Variants in SLC17A4 observed in about 807,000 individuals in gnomAD.
SLC17A4 encodes probable small intestine urate exporter.
SLC17A4 carries 33 observed loss-of-function variants against 52.5 expected under a neutral mutation model. The ratio of observed to expected loss-of-function variants is 0.63; its 90% confidence interval spans 0.48 to 0.84. SLC17A4 has a LOEUF of 0.84. Among genes scored for constraint, SLC17A4 ranks in the 40% least tolerant of loss-of-function variants. SLC17A4 has a pLI of 0.00. For synonymous variants in SLC17A4, 225 were observed against 216.2 expected (o/e 1.04, Z -0.36); for missense variants, 585 against 597.1 (o/e 0.98, Z 0.21).
chr6:25,758,959 C>A (rs573458588), intron 1 of SLC17A4, among the ~76,000 whole-genome samples: 22 of 151,926 alleles, frequency 1.4e-4, no homozygotes, highest in Non-Finnish European at 3.1e-4. Flanking sequence ...CTCTTAGCAC[C>A]GCTTTTGCTG....
In SLC17A4 at chr6:25,754,765, C is replaced by T. The variant is rs899963508; in HGVS notation, c.-53C>T. ...TTATTTGAAAGGAATGAGGATCCTG[C>T]ACTCTTCCTCCCTCAGGTTAGTTAG... On this transcript the variant is annotated 5_prime_UTR_variant, in exon 1 of 12. Coordinates refer to ENST00000377905, the MANE Select transcript of SLC17A4 (RefSeq NM_005495.3). 12 of 152,192 alleles carry T rather than the reference C, an allele frequency of 7.9e-5. No homozygotes were observed. Among genetic ancestry groups the T allele is most frequent in the African/African-American group, 2.9e-4 (12 of 41,434 alleles). 9.4% of individuals were successfully genotyped at this position (152,192 alleles called of 1,614,324 possible).
Position 25,773,364 on chromosome 6 carries a change from A to C in SLC17A4, c.796A>C (p.Arg266=), listed in dbSNP as rs1762635008. ...NHPFISAGEK[R]YIVCSLAQQD... Reference sequence around the variant, plus strand: ...TCCCTTTATCAGTGCTGGTGAGAAGAGATACATTGTGTGTTCATTGGCTCA... The same window carrying C: ...TCCCTTTATCAGTGCTGGTGAGAAGCGATACATTGTGTGTTCATTGGCTCA... The change falls in exon 7 of 12, where the codon AGA becomes CGA. Residue 266 remains arginine (R), a synonymous_variant. Coordinates refer to ENST00000377905, the MANE Select transcript of SLC17A4 (RefSeq NM_005495.3). 1.2e-6 allele frequency: 2 copies of C among 1,613,928 alleles called. No homozygotes were observed. The highest frequency in any genetic ancestry group is 1.3e-5 in the African/African-American group (1 of 75,038).
At position 25,759,011 on chromosome 6, in the gene SLC17A4, A is replaced by C. The variant is rs980441346; in HGVS notation, c.-36-2916A>C. On this transcript the variant is annotated intron_variant, in intron 1 of 11. Coordinates refer to ENST00000377905, the MANE Select transcript of SLC17A4 (RefSeq NM_005495.3). ...ATAGGTTATGTCACGGTTGTCGTTC[A>C]GTTCAAAGAATTTTTTAATTTTCAT... 3.3e-5 allele frequency among the ~76,000 whole-genome samples: 5 copies of C among 152,266 alleles called. No individual in the cohort carries two copies. In the East Asian group the frequency reaches 7.7e-4, roughly 23 times the overall value.
At chr6:25,766,358 G>A (rs769918474) in intron 2 of SLC17A4, among the ~76,000 whole-genome samples, 1 of 152,070 alleles carries the variant, frequency 6.6e-6, no homozygotes, top group South Asian at 2.1e-4. Flanking sequence ...AGAGGAAAAT[G>A]CCTATTTATC....
rs897541955 is a variant in SLC17A4, at chr6:25,776,490, C to A, written c.988-105C>A. 17 of 1,320,508 alleles carry A rather than the reference C, an allele frequency of 1.3e-5. No individual in the cohort carries two copies. The African/African-American group carries it at 1.8e-4, about 14-fold the overall frequency. 81.8% of individuals were successfully genotyped at this position (1,320,508 alleles called of 1,614,324 possible). On this transcript the variant is annotated intron_variant, in intron 8 of 11. Coordinates refer to ENST00000377905, the MANE Select transcript of SLC17A4 (RefSeq NM_005495.3). The stretch of plus-strand genomic sequence containing the variant: ...CATGGAATTTGTATTAAAAGTGATG[C>A]GTATATAAAGAAAAGCCACAAATGT...
chr6:25,775,924 G>A (rs1217507611), intron 8 of SLC17A4, among the ~76,000 whole-genome samples: 7 of 152,140 alleles, frequency 4.6e-5, no homozygotes, highest in Admixed American at 1.3e-4. Flanking sequence ...TTGCTGAGCA[G>A]TATTTGGATT....
At chr6:25,757,016 C>G (rs543825986) in intron 1 of SLC17A4, among the ~76,000 whole-genome samples, 1 of 152,220 alleles carries the variant, frequency 6.6e-6, no homozygotes, top group African/African-American at 2.4e-5. Flanking sequence ...CTCATTTTAC[C>G]AAGTTTCTTT....
At chr6:25,765,218 A>G (rs537105713) in intron 2 of SLC17A4, among the ~76,000 whole-genome samples, 8 of 152,290 alleles carry the variant, frequency 5.3e-5, no homozygotes, top group Non-Finnish European at 1.0e-4. Context: ...ATTGACAGGT[A>G]CACTTATGAA....
At chr6:25,762,115 T>A (rs1412173616) in intron 2 of SLC17A4, 62 bp downstream of exon 2, 3 of 1,433,606 alleles carry the variant, frequency 2.1e-6, no homozygotes, top group Non-Finnish European at 2.9e-6. Flanking sequence ...CTGTAACTTG[T>A]GGTACTAAAT....
intron 1 of SLC17A4, among the ~76,000 whole-genome samples, chr6:25,758,250 G>A (rs1296857655): frequency 2.0e-5 from 3 of 152,180 alleles, no homozygotes; most frequent in Non-Finnish European, 4.4e-5. Context: ...TTGAAGTGAC[G>A]GGGCAGTGCC....
chr6:25,761,052 T>C (rs1223706686), intron 1 of SLC17A4, among the ~76,000 whole-genome samples: 2 of 152,208 alleles, frequency 1.3e-5, no homozygotes, highest in African/African-American at 2.4e-5. Context: ...TTCTGTGTAA[T>C]CTGTTTTGAG....
rs765652564 is a variant in SLC17A4, at chr6:25,779,140, A to G, written c.1446A>G (p.Arg482=). ...SGLVFYLIFG[R]ADVQDWAKEQ... Reference sequence around the variant, plus strand: ...TGGTTTTCTACCTCATCTTTGGCCGAGCAGATGTGCAGGACTGGGCTAAAG... The same window carrying G: ...TGGTTTTCTACCTCATCTTTGGCCGGGCAGATGTGCAGGACTGGGCTAAAG... The change falls in exon 12 of 12, where the codon CGA becomes CGG. Residue 482 remains arginine, a synonymous_variant. Transcript: ENST00000377905. The G allele has an allele frequency of 2.5e-6, 4 of 1,613,874 alleles. No homozygotes were observed. Among genetic ancestry groups the G allele is most frequent in the East Asian group, 4.5e-5 (2 of 44,878 alleles).
In SLC17A4 at chr6:25,773,737, T is replaced by C. The variant is rs1278222851; in HGVS notation, c.987+63T>C. 4 of 1,544,334 alleles carry C rather than the reference T, an allele frequency of 2.6e-6. No individual in the cohort carries two copies. In the African/African-American group the frequency reaches 5.5e-5, roughly 21 times the overall value. On this transcript the variant is annotated intron_variant, in intron 8 of 11. Coordinates refer to ENST00000377905, the MANE Select transcript of SLC17A4 (RefSeq NM_005495.3). ...AATGCTTAAATAATGAGAGCTCATATATAATCCTCTGTCTGTCCCATAGTC... is the reference window on the plus strand; with the variant it reads ...AATGCTTAAATAATGAGAGCTCATACATAATCCTCTGTCTGTCCCATAGTC...
chr6:25,779,485 C>A lies in SLC17A4; in HGVS notation c.*297C>A. The A allele has an allele frequency of 3.6e-6, 1 of 276,968 alleles. No individual in the cohort carries two copies. The highest frequency in any genetic ancestry group is 6.7e-6 in the Non-Finnish European group (1 of 148,964). The allele number at this position is 276,968 out of a possible 1,614,324, so 17.2% of individuals were successfully genotyped here. ...TTTCTTTCCAAAGCAAAAGAGGAAG[C>A]CAGACCTTGGGACCGAGAACTGAGA... On this transcript the variant is annotated 3_prime_UTR_variant, in exon 12 of 12. Transcript: ENST00000377905.
intron 2 of SLC17A4, 149 bp from the exon 3 acceptor site, chr6:25,768,836 C>A: frequency 4.0e-6 from 3 of 747,206 alleles, no homozygotes; most frequent in South Asian, 3.6e-5. Context: ...CCCAGGGGAA[C>A]AAAATTCCAC....
In SLC17A4 at chr6:25,768,991, G is replaced by T; in HGVS notation, c.98G>T (p.Cys33Phe). ...CATGCCCTTTTCCTCTCAGGTTTTT[G>T]TTCAGTCCGACATGGGCTGGCCCTC... ...AQEECSRKGF[C>F]SVRHGLALIL... is the part of the protein sequence containing the mutation. The change falls in exon 3 of 12, where the codon TGT becomes TTT. Residue 33 changes from cysteine to phenylalanine, a missense_variant. By Grantham distance (205) the Cys-to-Phe change is radical (BLOSUM62 -2). Coordinates refer to ENST00000377905, the MANE Select transcript of SLC17A4 (RefSeq NM_005495.3). 1 of 1,613,882 alleles carries T rather than the reference G, an allele frequency of 6.2e-7. No individual in the cohort carries two copies. Among genetic ancestry groups the T allele is most frequent in the Non-Finnish European group, 8.5e-7 (1 of 1,179,928 alleles).
At position 25,776,664 on chromosome 6, in the gene SLC17A4, G is replaced by A; in HGVS notation, c.1057G>A (p.Asp353Asn). The change falls in exon 9 of 12, where the codon GAC becomes AAC. Residue 353 changes from aspartate (D) to asparagine (N), a missense_variant. Physicochemically the swap from Asp to Asn is conservative, Grantham distance 23. Transcript: ENST00000377905. ...CATTATCCTTGGAGGTCTACTGGCA[G>A]ACTTTCTTCTCTCCAGAAAAATCCT... is the stretch of plus-strand genomic sequence containing the variant. Reference protein sequence around the residue: ...ICIILGGLLADFLLSRKILRL... With the variant: ...ICIILGGLLANFLLSRKILRL... The A allele has an allele frequency of 6.2e-7, 1 of 1,613,910 alleles. No individual in the cohort carries two copies. The highest frequency in any genetic ancestry group is 1.1e-5 in the South Asian group (1 of 91,080).
intron 1 of SLC17A4, among the ~76,000 whole-genome samples, chr6:25,759,790 G>C (rs1761372379): frequency 6.6e-6 from 1 of 152,186 alleles, no homozygotes; most frequent in African/African-American, 2.4e-5. Context: ...ATCTCTTGAA[G>C]ACTATAGATA....
At chr6:25,773,843 A>T (rs184031306) in intron 8 of SLC17A4, among the ~76,000 whole-genome samples, 169 bp downstream of exon 8, 3 of 152,290 alleles carry the variant, frequency 2.0e-5, no homozygotes, top group Admixed American at 2.0e-4. Flanking sequence ...ATTGATCTCA[A>T]TGTGGTTCAC....
Sources: allele counts gnomAD v4.1 joint callset (sites outside exome capture counted in the v4.1 genomes callset), GRCh38; gene constraint gnomAD v4.1.1; transcripts MANE v1.5; gene names NCBI Gene and HGNC (gene_info 2026-07-23, HGNC 2026-07-21).